The following FRMPD3 variants were observed in gnomAD, a reference collection of about 807,000 sequenced individuals.
FRMPD3 encodes FERM and PDZ domain-containing protein 3.
In FRMPD3, 42 loss-of-function variants were observed where a neutral mutation model predicts 97.9. The ratio of observed to expected loss-of-function variants is 0.43; its 90% CI spans 0.34 to 0.55. FRMPD3 has a LOEUF of 0.55. Ranked by LOEUF, FRMPD3 falls within the 20% of genes least tolerant of loss-of-function variation. The probability of loss-of-function intolerance (pLI) is 0.03; values close to 1 mark genes in which losing one functional copy is unlikely to be tolerated. For synonymous variants in FRMPD3, 577 were observed against 581.1 expected, an observed-to-expected ratio of 0.99 and a Z score of 0.10; for missense variants, 1,303 against 1,457.7, an observed-to-expected ratio of 0.89 and a Z score of 1.73.
Position 107,568,920 on chromosome X carries a change from AGAGAGAGAGG to A in FRMPD3, c.1296+3864_1296+3873del, listed in dbSNP as rs1386059983. 8.3e-5 allele frequency among the ~76,000 whole-genome samples: 9 copies of A among 108,196 alleles called. No homozygotes were observed. In the East Asian group the frequency reaches 8.8e-4, roughly 11 times the overall value. 94.0% of individuals were successfully genotyped at this position (108,196 alleles called of 115,157 possible). ...ACAAAAATGAAAGAGAGAGAGAGAG[AGAGAGAGAGG>A]GAGAGAGAGAGAGAGAGAGAGAACC... is the stretch of plus-strand genomic sequence containing the variant. On this transcript the variant is annotated intron_variant, in intron 12 of 14. Transcript: ENST00000683843.
Position 107,602,048 on chromosome X carries a change from G to T in FRMPD3, c.4009G>T (p.Ala1337Ser). 3 of 1,188,287 alleles carry T rather than the reference G, an allele frequency of 2.5e-6. No individual in the cohort carries two copies. The highest frequency in any genetic ancestry group is 3.4e-6 in the Non-Finnish European group (3 of 883,997). Residue 1337 changes from alanine (A) to serine (S), a missense_variant, in exon 15 of 15, where the codon GCT becomes TCT. By Grantham distance (99) the Ala-to-Ser change is moderately conservative (BLOSUM62 1). Coordinates refer to ENST00000683843, the MANE Select transcript of FRMPD3 (RefSeq NM_001388459.1). ...RVLPSQRQPE[A>S]GPGVSLSSPI... The stretch of plus-strand genomic sequence containing the variant: ...CCTCCCTAGCCAGAGGCAGCCAGAG[G>T]CTGGCCCAGGCGTGAGCCTCAGCAG...
chrX:107,488,254 C>T (rs1921558737), intron 1 of FRMPD3, among the ~76,000 whole-genome samples: 1 of 112,049 alleles, frequency 8.9e-6, no homozygotes, highest in South Asian at 3.8e-4. Flanking sequence ...AATTTCACCC[C>T]AGATCCACAT....
chrX:107,510,090 A>C (rs770352261), intron 1 of FRMPD3, among the ~76,000 whole-genome samples: 1 of 111,568 alleles, frequency 9.0e-6, no homozygotes, highest in Admixed American at 9.5e-5. Flanking sequence ...GTGGATTTTA[A>C]TTATTGAAAG....
At position 107,481,160 on chromosome X, in the gene FRMPD3, C is replaced by T. The variant is rs140662571; in HGVS notation, c.-8+31155C>T. Among the ~76,000 whole-genome samples, 298 of 111,571 alleles carry T rather than the reference C, an allele frequency of 2.7e-3. 3 individuals are homozygous for T. Among genetic ancestry groups the T allele is most frequent in the African/African-American group, 9.2e-3 (284 of 30,725 alleles). On this transcript the variant is annotated intron_variant, in intron 1 of 14. Coordinates refer to ENST00000683843, the MANE Select transcript of FRMPD3 (RefSeq NM_001388459.1). ...AGGACGGACCTGTGACTCAGTCACC[C>T]GGACCTCCCTGTGTGTGATCTGTTG...
At chrX:107,523,098 G>C (rs1227336070) in intron 1 of FRMPD3, among the ~76,000 whole-genome samples, 1 of 111,475 alleles carries the variant, frequency 9.0e-6, no homozygotes. Flanking sequence ...CTTGCCTTCA[G>C]TGTCACTCCC....
At chrX:107,575,221 C>G (rs1486673125) in intron 12 of FRMPD3, among the ~76,000 whole-genome samples, 1 of 111,970 alleles carries the variant, frequency 8.9e-6, no homozygotes, top group African/African-American at 3.2e-5. Flanking sequence ...AAAAATAGAT[C>G]TTTGTGGTCT....
In FRMPD3 at chrX:107,602,342, G is replaced by A. The variant is rs760728530; in HGVS notation, c.4303G>A (p.Ala1435Thr). 8.3e-7 allele frequency: 1 copy of A among 1,210,591 alleles called. No individual in the cohort carries two copies. Among genetic ancestry groups the A allele is most frequent in the South Asian group, 1.8e-5 (1 of 56,962 alleles). ...GGAGGTAGAGGCAAGCCTCCCCATA[G>A]CCTTGGGTCCCAAAAGCAGGTCTCT... ...AKEVEASLPI[A>T]LGPKSRSLES... Residue 1435 changes from alanine (A) to threonine (T), a missense_variant, in exon 15 of 15, where the codon GCC becomes ACC. Coordinates refer to ENST00000683843, the MANE Select transcript of FRMPD3 (RefSeq NM_001388459.1).
chrX:107,485,408 A>G (rs1208627721), intron 1 of FRMPD3, among the ~76,000 whole-genome samples: 1 of 112,703 alleles, frequency 8.9e-6, no homozygotes, highest in Non-Finnish European at 1.9e-5. Context: ...AGCATGTCCC[A>G]GCTACTGAGA....
At chrX:107,600,162 C>T in intron 14 of FRMPD3, 141 bp from the exon 15 acceptor site, 2 of 724,837 alleles carry the variant, frequency 2.8e-6, no homozygotes, top group South Asian at 6.0e-5. Flanking sequence ...CATTTCGTAT[C>T]AGGGACTTGA....
Position 107,598,032 on chromosome X carries a change from T to C in FRMPD3, c.2153T>C (p.Val718Ala). 1.7e-6 allele frequency: 2 copies of C among 1,210,451 alleles called. No individual in the cohort carries two copies. Among genetic ancestry groups the C allele is most frequent in the Non-Finnish European group, 2.2e-6 (2 of 895,227 alleles). The change falls in exon 14 of 15, where the codon GTT becomes GCT. Residue 718 changes from valine (V) to alanine (A), a missense_variant. By Grantham distance (64) the Val-to-Ala change is moderately conservative. Coordinates refer to ENST00000683843, the MANE Select transcript of FRMPD3 (RefSeq NM_001388459.1). ...TLIDSVQTRT[V>A]RDHAQELDDA... ...ATTGACAGTGTGCAGACCCGGACAG[T>C]TCGAGATCATGCCCAGGAGCTAGAT...
intron 3 of FRMPD3, among the ~76,000 whole-genome samples, chrX:107,532,033 G>A (rs924248963): frequency 1.2e-4 from 14 of 112,487 alleles, no homozygotes; most frequent in African/African-American, 4.5e-4. Flanking sequence ...AGATACAGCA[G>A]TGAATAAGAC....
intron 1 of FRMPD3, among the ~76,000 whole-genome samples, chrX:107,509,642 T>C (rs1012461435): frequency 5.4e-5 from 6 of 111,614 alleles, no homozygotes; most frequent in African/African-American, 2.0e-4. Context: ...CTGTCAGGTT[T>C]GACATTCCTT....
chrX:107,493,938 TC>T (rs1672199652), intron 1 of FRMPD3, among the ~76,000 whole-genome samples: 1 of 111,461 alleles, frequency 9.0e-6, no homozygotes, highest in African/African-American at 3.3e-5. Context: ...ATGCACAAGC[TC>T]AAGAAAGCTC....
intron 1 of FRMPD3, among the ~76,000 whole-genome samples, chrX:107,460,949 C>T (rs1931460016): frequency 9.0e-6 from 1 of 111,684 alleles, no homozygotes; most frequent in Admixed American, 9.5e-5. Context: ...GTAGAGAAAT[C>T]ACTCACTGAC....
Position 107,600,598 on chromosome X carries a change from C to T in FRMPD3, c.2559C>T (p.Pro853=). ...QPIATGQSPG[P]PGARRKLPQS... is the part of the protein sequence containing the mutation. ...TTGCCACAGGCCAGAGTCCTGGCCC[C>T]CCTGGCGCTCGGAGGAAGCTGCCCC... The change falls in exon 15 of 15, where the codon CCC becomes CCT. Residue 853 remains proline, a synonymous_variant. Coordinates refer to ENST00000683843, the MANE Select transcript of FRMPD3 (RefSeq NM_001388459.1). The T allele has an allele frequency of 7.4e-6, 9 of 1,210,207 alleles. No homozygotes were observed. The highest frequency in any genetic ancestry group is 1.0e-5 in the Non-Finnish European group (9 of 895,033).
rs774501778 is a variant in FRMPD3 at position 107,601,955 on chromosome X, C to G, written c.3916C>G (p.Arg1306Gly). ...CAGCTGTGACTGCAAGCGCATCTGC[C>G]GGGGGGGCCGGCCACAAGCCACCCA... Reference protein sequence around the residue: ...RRSCDCKRICRGGRPQATQTP... With the variant: ...RRSCDCKRICGGGRPQATQTP... Residue 1306 changes from arginine (R) to glycine (G), a missense_variant, in exon 15 of 15, where the codon CGG becomes GGG. Arg to Gly is a moderately radical substitution (Grantham distance 125). Around this residue, in one of 3 missense-constraint regions of FRMPD3, gnomAD observed 764 missense variants for 820.2 expected, o/e 0.93. Transcript: ENST00000683843. 1.7e-6 allele frequency: 2 copies of G among 1,168,810 alleles called. No individual in the cohort carries two copies. Among genetic ancestry groups the G allele is most frequent in the Non-Finnish European group, 2.3e-6 (2 of 876,092 alleles).
At chrX:107,498,947 G>A (rs754949640) in intron 1 of FRMPD3, among the ~76,000 whole-genome samples, 200 of 111,048 alleles carry the variant, frequency 1.8e-3, no homozygotes, top group Non-Finnish European at 3.3e-3. Flanking sequence ...GGGAGCCAGA[G>A]AGACCCCAAC....
chrX:107,485,201 C>T (rs1403128545), intron 1 of FRMPD3, among the ~76,000 whole-genome samples: 9 of 112,682 alleles, frequency 8.0e-5, no homozygotes, highest in Admixed American at 6.5e-4. Flanking sequence ...GGAAGGCACA[C>T]GAATGAAGTG....
chrX:107,471,454 G>C (rs189690312), intron 1 of FRMPD3, among the ~76,000 whole-genome samples: 3,255 of 109,713 alleles, frequency 0.03, 116 homozygotes, highest in African/African-American at 0.1. Context: ...GTTCCCACCC[G>C]CCATCCCCCC....
Sources: allele counts gnomAD v4.1 joint callset (sites outside exome capture counted in the v4.1 genomes callset), GRCh38; gene constraint gnomAD v4.1.1; regional missense constraint gnomAD v4.1.1; transcripts MANE v1.5; gene names NCBI Gene and HGNC (gene_info 2026-07-23, HGNC 2026-07-21).